The following MROH2A variants were observed in gnomAD, a reference collection of about 807,000 sequenced individuals.
MROH2A encodes the protein maestro heat-like repeat-containing protein family member 2A.
MROH2A carries 174 observed loss-of-function variants against 200.4 expected under a neutral mutation model. The ratio of observed to expected loss-of-function variants is 0.87; its 90% CI spans 0.77 to 0.98. MROH2A has a LOEUF of 0.98. Ranked by LOEUF, MROH2A falls within the 50% of genes least tolerant of loss-of-function variation. MROH2A has a pLI of 0.00. For missense variants in MROH2A, 2,045 were observed against 2,139.6 expected, an observed-to-expected ratio of 0.96 and a Z score of 0.87; for synonymous variants, 829 against 840.4, an observed-to-expected ratio of 0.99 and a Z score of 0.23.
chr2:233,787,914 A>ATATACATATATAT (rs1559437059), intron 3 of MROH2A, among the ~76,000 whole-genome samples: 18 of 1,290 alleles, frequency 0.014, 5 homozygotes, highest in East Asian at 0.083. Context: ...CATATATATT[A>ATATACATATATAT]TATATATACA....
chr2:233,786,669 T>G (rs186064040), intron 3 of MROH2A, among the ~76,000 whole-genome samples: 2 of 151,950 alleles, frequency 1.3e-5, no homozygotes, highest in South Asian at 2.1e-4. Context: ...CTGGGAGGAG[T>G]AGTCTCTCTA....
rs1278097779 is a variant in MROH2A, at chr2:233,833,119, T to G, written c.4904-19T>G. 21 of 1,530,056 alleles carry G rather than the reference T, an allele frequency of 1.4e-5. No homozygotes were observed. Among genetic ancestry groups the G allele is most frequent in the Non-Finnish European group, 1.8e-5 (21 of 1,139,176 alleles). 94.8% of individuals were successfully genotyped at this position (1,530,056 alleles called of 1,614,324 possible). A position where few individuals can be genotyped will look rare whatever the true frequency, so the allele number is the denominator to read the frequency against. ...GACTGGGCGGGGCCTGAACCTTCCC[T>G]CTTTGTGTTCTCTCTCAGCCCTCCA... On this transcript the variant is annotated intron_variant, in intron 41 of 41. Transcript: ENST00000389758.
chr2:233,824,127 C>G (rs545371165), intron 35 of MROH2A, among the ~76,000 whole-genome samples: 1 of 152,256 alleles, frequency 6.6e-6, no homozygotes, highest in South Asian at 2.1e-4. Flanking sequence ...CCAGTGTTTT[C>G]TGTAAAGGAC....
In MROH2A at chr2:233,822,389, T is replaced by G; in HGVS notation, c.3699T>G (p.Ile1233Met). ...LMTLCTIHLL[I>M]QKLDENDKLP... ...CCCTGTGCACCATCCACCTTCTCAT[T>G]CAGAAGCTGGATGAGAATGACAAGC... Residue 1233 changes from isoleucine (I) to methionine (M), a missense_variant, in exon 33 of 42, where the codon ATT (isoleucine) becomes ATG (methionine). Around this residue, in one of 3 missense-constraint regions of MROH2A, gnomAD observed 1,201 missense variants for 1,311.3 expected, o/e 0.92. Coordinates refer to ENST00000389758, the MANE Select transcript of MROH2A (RefSeq NM_001394639.1). The G allele has an allele frequency of 6.4e-7, 1 of 1,551,006 alleles. No homozygotes were observed. Among genetic ancestry groups the G allele is most frequent in the South Asian group, 1.2e-5 (1 of 84,056 alleles).
chr2:233,799,191 C>T (rs1279978070), intron 12 of MROH2A, among the ~76,000 whole-genome samples: 1 of 152,172 alleles, frequency 6.6e-6, no homozygotes, highest in Non-Finnish European at 1.5e-5. Flanking sequence ...GGGTACTCCT[C>T]TACCCATCCT....
Position 233,794,343 on chromosome 2 carries a change from G to T in MROH2A, c.823-20G>T. The T allele has an allele frequency of 6.5e-7, 1 of 1,535,544 alleles. No individual in the cohort carries two copies. The highest frequency in any genetic ancestry group is 1.2e-5 in the South Asian group (1 of 83,660). On this transcript the variant is annotated intron_variant, in intron 7 of 41. Transcript: ENST00000389758. ...GAGGGTGGTGAGACAATGCGTCCCA[G>T]AGCTGGTTTCTGGTGGCAGGTGAAG... is the stretch of plus-strand genomic sequence containing the variant.
chr2:233,786,511 A>G (rs1575898822), intron 3 of MROH2A, among the ~76,000 whole-genome samples: 1 of 152,322 alleles, frequency 6.6e-6, no homozygotes, highest in East Asian at 1.9e-4. Context: ...TACCTTTCGA[A>G]GGGCTCATCT....
In MROH2A at chr2:233,807,315, T is replaced by G. The variant is rs1702862843; in HGVS notation, c.2053-108T>G. ...TGTAAACGTGTGTGCAAGTATCTTC[T>G]GCACATTAAAATAAATTGAAAAATA... On this transcript the variant is annotated intron_variant, in intron 19 of 41. Transcript: ENST00000389758. This position sits in a 1 kb window ranked among gnomAD's most constrained non-coding sequence, Gnocchi z 4.3. The G allele has an allele frequency of 1.1e-5, 14 of 1,239,292 alleles. No individual in the cohort carries two copies. Among genetic ancestry groups the G allele is most frequent in the East Asian group, 2.6e-5 (1 of 38,970 alleles). 76.8% of individuals were successfully genotyped at this position (1,239,292 alleles called of 1,614,324 possible). A position where few individuals can be genotyped will look rare whatever the true frequency, so the allele number is the denominator to read the frequency against.
chr2:233,776,675 G>A (rs1700716379), upstream of MROH2A, among the ~76,000 whole-genome samples: 1 of 151,916 alleles, frequency 6.6e-6, no homozygotes, highest in Non-Finnish European at 1.5e-5. Context: ...TCTTACTTTT[G>A]GCCATGGCTT....
intron 3 of MROH2A, among the ~76,000 whole-genome samples, chr2:233,788,056 ACATATAT>A (rs1228926056): frequency 1.2e-5 from 1 of 83,854 alleles, no homozygotes. Context: ...TATTATATAT[ACATATAT>A]TATATATATA....
Position 233,823,670 on chromosome 2 carries a change from A to AGTG in MROH2A, c.4113+6_4113+7insGTG. On this transcript the variant is annotated splice_region_variant and intron_variant, in intron 35 of 41. Transcript: ENST00000389758. ...TCAGCAGCACAGCGGTCTGCGTGGA[A>AGTG]ATGAGGCACCGGGTGTGGGCGGGGT... is the stretch of plus-strand genomic sequence containing the variant. The AGTG allele has an allele frequency of 1.3e-6, 2 of 1,549,406 alleles. No individual in the cohort carries two copies. Among genetic ancestry groups the AGTG allele is most frequent in the Non-Finnish European group, 1.7e-6 (2 of 1,146,140 alleles).
In MROH2A at chr2:233,802,163, C is replaced by T. The variant is rs1559457331; in HGVS notation, c.1561-5C>T. On this transcript the variant is annotated splice_region_variant and splice_polypyrimidine_tract_variant and intron_variant, in intron 14 of 41. Coordinates refer to ENST00000389758, the MANE Select transcript of MROH2A (RefSeq NM_001394639.1). ...GAGCCCCTTTCTCTCCCACCCCTAC[C>T]CCAGGAGTTTTGGGTGAGGCTGCTG... The T allele has an allele frequency of 4.5e-6, 7 of 1,548,088 alleles. No individual in the cohort carries two copies. The highest frequency in any genetic ancestry group is 4.4e-6 in the Non-Finnish European group (5 of 1,145,300).
Position 233,802,315 on chromosome 2 carries a change from G to A in MROH2A, c.1708G>A (p.Val570Met), listed in dbSNP as rs925401831. ...DVSVAGKSRQ[V>M]DLPAPQKLLA... ...CAGCGTGGCTGGCAAGAGCAGGCAA[G>A]GTGGGCAAAGTTCCTGTCCAGCTGA... The change falls in exon 15 of 42, where the codon GTG (valine) becomes ATG (methionine). Residue 570 changes from valine (V) to methionine (M), a missense_variant and splice_region_variant. Physicochemically the swap from Val to Met is conservative, Grantham distance 21. This residue lies in a region of MROH2A where 831 missense variants were observed against 800.0 expected (regional missense o/e 1.04). Transcript: ENST00000389758. The A allele has an allele frequency of 9.0e-6, 14 of 1,548,774 alleles. No homozygotes were observed. The Admixed American group carries it at 1.6e-4, about 17-fold the overall frequency.
intron 14 of MROH2A, among the ~76,000 whole-genome samples, chr2:233,800,892 T>A (rs914496363): frequency 6.6e-6 from 1 of 152,086 alleles, no homozygotes; most frequent in African/African-American, 2.4e-5. Context: ...AGGGAATGAT[T>A]ACTCACTGAG....
chr2:233,820,855 C>A lies in MROH2A; in HGVS notation c.3512+799C>A, dbSNP rs79172053. Among the ~76,000 whole-genome samples, 2,012 of 152,320 alleles carry A rather than the reference C, an allele frequency of 0.013. 116 individuals are homozygous for A. The East Asian group carries it at 0.2, about 15-fold the overall frequency. On this transcript the variant is annotated intron_variant, in intron 31 of 41. Transcript: ENST00000389758. The surrounding 1 kb of genome is among the most constrained non-coding windows in gnomAD (Gnocchi z 4.1). ...TGCCCGAAATGCAGGCATGACTCCC[C>A]TGTGGAGCTGCTTCTCATAAGGGCA...
In MROH2A at chr2:233,831,478, C is replaced by G; in HGVS notation, c.4672C>G (p.Pro1558Ala). The change falls in exon 39 of 42, where the codon CCA (proline) becomes GCA (alanine). Residue 1558 changes from proline (P) to alanine (A), a missense_variant. By Grantham distance (27) the Pro-to-Ala change is conservative (BLOSUM62 -1). Around this residue, in one of 3 missense-constraint regions of MROH2A, gnomAD observed 1,201 missense variants for 1,311.3 expected, o/e 0.92. Coordinates refer to ENST00000389758, the MANE Select transcript of MROH2A (RefSeq NM_001394639.1). ...GAAGTCCCTGGAGCATCCCTCAGGGCCAAGTGATACCGCTACTGATGACAA... is the reference window on the plus strand; with the variant it reads ...GAAGTCCCTGGAGCATCCCTCAGGGGCAAGTGATACCGCTACTGATGACAA... ...GWKSLEHPSG[P>A]SDTATDDKMT... 6.4e-7 allele frequency: 1 copy of G among 1,550,526 alleles called. No homozygotes were observed. Among genetic ancestry groups the G allele is most frequent in the Non-Finnish European group, 8.7e-7 (1 of 1,146,950 alleles).
At chr2:233,796,178 A>G in intron 10 of MROH2A, 22 bp from the exon 11 acceptor site, 1 of 1,538,304 alleles carries the variant, frequency 6.5e-7, no homozygotes, top group Non-Finnish European at 8.8e-7. Flanking sequence ...AGCATGACTA[A>G]AGCTGTCCTT....
chr2:233,823,725 C>A (rs1704120195), intron 35 of MROH2A, 61 bp downstream of exon 35: 4 of 1,526,986 alleles, frequency 2.6e-6, no homozygotes, highest in Non-Finnish European at 2.7e-6. Context: ...TCCCTGGATT[C>A]TTCTGGGGAT....
chr2:233,831,653 A>G (rs2124934983), intron 39 of MROH2A, 113 bp downstream of exon 39: 1 of 1,198,510 alleles, frequency 8.3e-7, no homozygotes, highest in Non-Finnish European at 1.2e-6. Flanking sequence ...TACCTTCCAC[A>G]CATGCCATGT....
Sources: allele counts gnomAD v4.1 joint callset (sites outside exome capture counted in the v4.1 genomes callset), GRCh38; gene constraint gnomAD v4.1.1; regional missense constraint gnomAD v4.1.1; non-coding constraint Gnocchi (gnomAD v3.1); transcripts MANE v1.5; gene names NCBI Gene and HGNC (gene_info 2026-07-23, HGNC 2026-07-21).